Variants in ANKRD34C observed in about 807,000 individuals in gnomAD.
ANKRD34C encodes ankyrin repeat domain-containing protein 34C.
For synonymous variants in ANKRD34C, 260 were observed against 253.6 expected (o/e 1.03, Z -0.24); for missense variants, 563 against 653.0 (o/e 0.86, Z 1.50).
In ANKRD34C at chr15:79,294,350, TGTG is replaced by T. The variant is rs536236949; in HGVS notation, c.1069_1071del (p.Gly357del). 5.2e-3 allele frequency: 7,991 copies of T among 1,551,642 alleles called. 26 individuals are homozygous for T. The highest frequency in any genetic ancestry group is 6.6e-3 in the Non-Finnish European group (7,573 of 1,146,976). On this transcript the variant is annotated inframe_deletion, in exon 2 of 2. Transcript: ENST00000421388. ...AACTCTCCCTGTTGACCAAGAGAAATGTGGTATGGGTCCATCAGGACCCTCTGC... is the reference window on the plus strand; with the variant it reads ...AACTCTCCCTGTTGACCAAGAGAAATGTATGGGTCCATCAGGACCCTCTGC...
chr15:79,284,507 T>C (rs1460871241), intron 1 of ANKRD34C, among the ~76,000 whole-genome samples: 1 of 152,040 alleles, frequency 6.6e-6, no homozygotes, highest in Non-Finnish European at 1.5e-5. Context: ...AAACTGGGAA[T>C]TGTGGTTGGG....
In ANKRD34C at chr15:79,293,626, T is replaced by A. The variant is rs1163959444; in HGVS notation, c.342T>A (p.Leu114=). 6.4e-7 allele frequency: 1 copy of A among 1,551,548 alleles called. No individual in the cohort carries two copies. Among genetic ancestry groups the A allele is most frequent in the Admixed American group, 2.0e-5 (1 of 50,978 alleles). Residue 114 remains leucine, a synonymous_variant, in exon 2 of 2, where the codon CTT becomes CTA. Transcript: ENST00000421388. ...LLLENGADPS[L]EDRTGASALV... Reference sequence around the variant, plus strand: ...TGGAGAATGGAGCAGACCCCAGCCTTGAAGATCGCACTGGGGCTTCAGCTC... The same window carrying A: ...TGGAGAATGGAGCAGACCCCAGCCTAGAAGATCGCACTGGGGCTTCAGCTC...
chr15:79,294,360 G>A lies in ANKRD34C; in HGVS notation c.1076G>A (p.Gly359Asp). Residue 359 changes from glycine (G) to aspartate (D), a missense_variant, in exon 2 of 2, where the codon GGT becomes GAT. Gly to Asp is a moderately conservative substitution (Grantham distance 94, BLOSUM62 -1). Transcript: ENST00000421388. Reference sequence around the variant, plus strand: ...GTTGACCAAGAGAAATGTGGTATGGGTCCATCAGGACCCTCTGCTCTCAAA... The same window carrying A: ...GTTGACCAAGAGAAATGTGGTATGGATCCATCAGGACCCTCTGCTCTCAAA... ...LPVDQEKCGM[G>D]PSGPSALKEP... 1 of 1,551,620 alleles carries A rather than the reference G, an allele frequency of 6.4e-7. No individual in the cohort carries two copies. Among genetic ancestry groups the A allele is most frequent in the Non-Finnish European group, 8.7e-7 (1 of 1,146,968 alleles).
rs773427605 is a variant in ANKRD34C at position 79,293,539 on chromosome 15, C to A, written c.255C>A (p.Gly85=). 1 of 1,551,522 alleles carries A rather than the reference C, an allele frequency of 6.4e-7. No homozygotes were observed. The highest frequency in any genetic ancestry group is 1.2e-5 in the South Asian group (1 of 84,010). Residue 85 remains glycine (G), a synonymous_variant, in exon 2 of 2, where the codon GGC becomes GGA. Transcript: ENST00000421388. ...ACCCCAATATCCAAGATAAGTCTGG[C>A]AAGACTGCCCTCATCCATGCCTGTA... ...RADPNIQDKS[G]KTALIHACIR...
At chr15:79,286,977 A>C (rs780075542) in intron 1 of ANKRD34C, among the ~76,000 whole-genome samples, 1 of 152,138 alleles carries the variant, frequency 6.6e-6, no homozygotes, top group Non-Finnish European at 1.5e-5. Context: ...CTTACTCCTA[A>C]GTGTAATGAC....
chr15:79,286,464 C>T (rs981291506), intron 1 of ANKRD34C, among the ~76,000 whole-genome samples: 5 of 152,174 alleles, frequency 3.3e-5, no homozygotes, highest in African/African-American at 7.2e-5. Context: ...TTCTCTCCAA[C>T]GAGCTTAGAG....
intron 1 of ANKRD34C, among the ~76,000 whole-genome samples, chr15:79,285,574 A>C (rs1390931616): frequency 6.6e-6 from 1 of 152,170 alleles, no homozygotes; most frequent in Non-Finnish European, 1.5e-5. Flanking sequence ...GAAGGACAAA[A>C]TCCTAGCATC....
intron 1 of ANKRD34C, among the ~76,000 whole-genome samples, chr15:79,286,237 G>T (rs12916215): frequency 2.5e-4 from 38 of 150,154 alleles, no homozygotes; most frequent in African/African-American, 8.6e-4. Flanking sequence ...GAGTGGGGGT[G>T]GGGGGTTGGC....
At position 79,296,632 on chromosome 15, in the gene ANKRD34C, A is replaced by C. The variant is rs1322300813; in HGVS notation, c.*1740A>C. On this transcript the variant is annotated 3_prime_UTR_variant, in exon 2 of 2. Coordinates refer to ENST00000421388, the MANE Select transcript of ANKRD34C (RefSeq NM_001146341.2). ...ACTACCTTTGCTAGAAATTTATCTGAATATTCCAAACAAAAGTGTTAATGA... is the reference window on the plus strand; with the variant it reads ...ACTACCTTTGCTAGAAATTTATCTGCATATTCCAAACAAAAGTGTTAATGA... The C allele has an allele frequency of 6.0e-6, 1 of 167,124 alleles. No homozygotes were observed. The highest frequency in any genetic ancestry group is 1.5e-5 in the Non-Finnish European group (1 of 68,130). The allele number at this position is 167,124 out of a possible 1,614,324, so 10.4% of individuals were successfully genotyped here.
chr15:79,285,413 A>G (rs2058640817), intron 1 of ANKRD34C, among the ~76,000 whole-genome samples: 1 of 152,218 alleles, frequency 6.6e-6, no homozygotes, highest in Non-Finnish European at 1.5e-5. Flanking sequence ...ATGACATTGT[A>G]TCTGCACTCA....
intron 1 of ANKRD34C, among the ~76,000 whole-genome samples, chr15:79,293,014 C>T (rs988938166): frequency 1.3e-5 from 2 of 152,204 alleles, no homozygotes; most frequent in African/African-American, 4.8e-5. Flanking sequence ...CTCTCTTATG[C>T]AGTCTTTACA....
intron 1 of ANKRD34C, among the ~76,000 whole-genome samples, chr15:79,286,417 G>A (rs1025952600): frequency 1.3e-5 from 2 of 152,100 alleles, no homozygotes; most frequent in African/African-American, 4.8e-5. Context: ...CAACATTCTA[G>A]GAATGCTTCA....
At chr15:79,284,281 G>A (rs1410251328) in intron 1 of ANKRD34C, among the ~76,000 whole-genome samples, 1 of 152,216 alleles carries the variant, frequency 6.6e-6, no homozygotes, top group African/African-American at 2.4e-5. Context: ...GGATGTGCTT[G>A]AGTGGAATTC....
At chr15:79,290,188 CTTT>C (rs11382951) in intron 1 of ANKRD34C, among the ~76,000 whole-genome samples, 6 of 108,810 alleles carry the variant, frequency 5.5e-5, no homozygotes, top group Admixed American at 2.1e-4. Flanking sequence ...TGACACCCAG[CTTT>C]TTTTTTTTTT....
At position 79,296,593 on chromosome 15, in the gene ANKRD34C, A is replaced by G. The variant is rs1421588105; in HGVS notation, c.*1701A>G. On this transcript the variant is annotated 3_prime_UTR_variant, in exon 2 of 2. Coordinates refer to ENST00000421388, the MANE Select transcript of ANKRD34C (RefSeq NM_001146341.2). ...CTGCCATATAAACTCTACATATTAT[A>G]TAATTTTTCTATAACTACCTTTGCT... The G allele has an allele frequency of 6.0e-6, 1 of 167,126 alleles. No homozygotes were observed. Among genetic ancestry groups the G allele is most frequent in the African/African-American group, 2.4e-5 (1 of 41,476 alleles). The allele number at this position is 167,126 out of a possible 1,614,324, so 10.4% of individuals were successfully genotyped here. A position where few individuals can be genotyped will look rare whatever the true frequency, so the allele number is the denominator to read the frequency against.
intron 1 of ANKRD34C, among the ~76,000 whole-genome samples, chr15:79,291,094 C>T (rs1289575934): frequency 6.6e-6 from 1 of 152,182 alleles, no homozygotes; most frequent in African/African-American, 2.4e-5. Flanking sequence ...ACTGTAATTT[C>T]ACTCAACCCT....
Position 79,295,258 on chromosome 15 carries a change from A to T in ANKRD34C, c.*366A>T, listed in dbSNP as rs1042399891. On this transcript the variant is annotated 3_prime_UTR_variant, in exon 2 of 2. Transcript: ENST00000421388. ...AGTATGTCATTTGTAATAAATCTAT[A>T]AAGTGCCTACATAGAAAACGAGGCT... The T allele has an allele frequency of 5.1e-6, 1 of 196,920 alleles. No individual in the cohort carries two copies. The highest frequency in any genetic ancestry group is 1.2e-5 in the Non-Finnish European group (1 of 86,932). The allele number at this position is 196,920 out of a possible 1,614,324, so 12.2% of individuals were successfully genotyped here. A position where few individuals can be genotyped will look rare whatever the true frequency, so the allele number is the denominator to read the frequency against.
Position 79,289,109 on chromosome 15 carries a change from C to T in ANKRD34C, c.-44-4132C>T, listed in dbSNP as rs909348681. On this transcript the variant is annotated intron_variant, in intron 1 of 1. Transcript: ENST00000421388. ...TGCTGGGATTACAGGCGTGAGCCAC[C>T]GTGCCTGGACAAGCCCCGTATTCTT... Among the ~76,000 whole-genome samples, 8 of 152,254 alleles carry T rather than the reference C, an allele frequency of 5.3e-5. No individual in the cohort carries two copies. The South Asian group carries it at 8.3e-4, about 16-fold the overall frequency.
chr15:79,289,968 G>A (rs558869263), intron 1 of ANKRD34C, among the ~76,000 whole-genome samples: 1 of 152,314 alleles, frequency 6.6e-6, no homozygotes, highest in African/African-American at 2.4e-5. Flanking sequence ...CAAATATGAT[G>A]TATGGTATTC....
Sources: gnomAD v4.1 joint callset for allele counts (sites outside exome capture counted in the v4.1 genomes callset) on GRCh38, gnomAD v4.1.1 for gene constraint, MANE v1.5 for transcripts, NCBI Gene and HGNC (gene_info 2026-07-23, HGNC 2026-07-21) for gene names.